Variants in SDK1 observed in about 807,000 individuals in gnomAD.
SDK1 encodes the protein sidekick cell adhesion molecule 1.
Under a neutral mutation model 245.5 loss-of-function variants are expected in SDK1, and 157 were observed. The ratio of observed to expected loss-of-function variants is 0.64; its 90% CI spans 0.56 to 0.73. SDK1 has a LOEUF of 0.73. Ranked by LOEUF, SDK1 falls within the 30% of genes least tolerant of loss-of-function variation. SDK1 has a pLI of 0.00. For synonymous variants in SDK1, 1,647 were observed against 1,278.5 expected (o/e 1.29, Z -6.15); for missense variants, 3,583 against 3,002.3 (o/e 1.19, Z -4.52).
rs1780910807 is a variant in SDK1, at chr7:4,158,500, G to C, written c.4678G>C (p.Gly1560Arg). ...GCGCCTGAAAGCCACCAACGACATT[G>C]GGGACAGTGACTTCAGTTCAGAGAC... ...KLRLKATNDI[G>R]DSDFSSETEA... The change falls in exon 31 of 45, where the codon GGG (glycine) becomes CGG (arginine). Residue 1560 changes from glycine (G) to arginine (R), a missense_variant. Transcript: ENST00000404826. 5 of 1,613,726 alleles carry C rather than the reference G, an allele frequency of 3.1e-6. No individual in the cohort carries two copies. The highest frequency in any genetic ancestry group is 1.3e-5 in the African/African-American group (1 of 74,936).
chr7:3,457,652 T>C (rs1780712623), intron 1 of SDK1, among the ~76,000 whole-genome samples: 1 of 152,204 alleles, frequency 6.6e-6, no homozygotes. Flanking sequence ...CCAAACTTGT[T>C]GACTGGCTTA....
chr7:3,701,328 A>T lies in SDK1; in HGVS notation c.713+59223A>T, dbSNP rs144045710. Among the ~76,000 whole-genome samples the T allele has an allele frequency of 9.3e-4, 141 of 152,368 alleles. 1 individual carries two copies. The highest frequency in any genetic ancestry group is 1.7e-3 in the Non-Finnish European group (116 of 68,038). ...CCAACATGCCGTGTTCAACATGTCC[A>T]TGTCTATAAAAAGTGGACTATGTGT... On this transcript the variant is annotated intron_variant, in intron 4 of 44. Transcript: ENST00000404826.
At chr7:3,435,941 G>C (rs910571070) in intron 1 of SDK1, among the ~76,000 whole-genome samples, 1 of 152,216 alleles carries the variant, frequency 6.6e-6, no homozygotes, top group Admixed American at 6.5e-5. Context: ...GGATGTAGTT[G>C]AAAAAGCAGA....
intron 1 of SDK1, among the ~76,000 whole-genome samples, chr7:3,541,101 T>C (rs1299741220): frequency 6.6e-6 from 1 of 152,226 alleles, no homozygotes; most frequent in Non-Finnish European, 1.5e-5. Flanking sequence ...TTGATCTGTG[T>C]TTCTTGGGTG....
chr7:3,822,720 A>T (rs1409468189), intron 5 of SDK1, among the ~76,000 whole-genome samples: 1 of 151,748 alleles, frequency 6.6e-6, no homozygotes, highest in Non-Finnish European at 1.5e-5. Flanking sequence ...GTGAGCTGAG[A>T]TCATGCCATT....
At chr7:4,132,651 C>G in intron 28 of SDK1, 1 of 434,460 alleles carries the variant, frequency 2.3e-6, no homozygotes, top group Non-Finnish European at 4.3e-6. Context: ...TCGCTTGAGC[C>G]CAGGAGGTTG....
intron 1 of SDK1, among the ~76,000 whole-genome samples, chr7:3,613,881 CA>C (rs1277522134): frequency 2.0e-5 from 3 of 152,116 alleles, no homozygotes; most frequent in Non-Finnish European, 4.4e-5. Flanking sequence ...AACAGAAAAC[CA>C]AATACCACAT....
intron 1 of SDK1, among the ~76,000 whole-genome samples, chr7:3,339,771 G>A (rs68100835): frequency 0.21 from 31,743 of 151,950 alleles, 3,638 homozygotes; most frequent in African/African-American, 0.32. Flanking sequence ...AAATTAAGTT[G>A]AAAAGTGGAA....
intron 4 of SDK1, among the ~76,000 whole-genome samples, chr7:3,672,766 T>TACATATATATATAC (rs1226753258): frequency 1.3e-5 from 1 of 74,294 alleles, no homozygotes; most frequent in African/African-American, 5.7e-5. Flanking sequence ...ATTTTATATA[T>TACATATATATATAC]ATATATATAT....
chr7:3,720,673 A>C (rs1012025713), intron 4 of SDK1, among the ~76,000 whole-genome samples: 3 of 152,202 alleles, frequency 2.0e-5, no homozygotes, highest in African/African-American at 7.2e-5. Context: ...TAGGGAGTTG[A>C]GAATTTCTTC....
At chr7:3,850,538 C>T (rs1461689698) in intron 5 of SDK1, among the ~76,000 whole-genome samples, 1 of 152,094 alleles carries the variant, frequency 6.6e-6, no homozygotes, top group Non-Finnish European at 1.5e-5. Context: ...AATCATGCTG[C>T]TATAAAGACA....
chr7:3,985,140 G>T (rs1215501421), intron 13 of SDK1, among the ~76,000 whole-genome samples: 2 of 151,658 alleles, frequency 1.3e-5, no homozygotes, highest in Non-Finnish European at 2.9e-5. Context: ...ATCCTGGAAG[G>T]ATCTTGGGGC....
intron 7 of SDK1, among the ~76,000 whole-genome samples, chr7:3,954,900 C>T (rs1348372350): frequency 6.6e-6 from 1 of 152,086 alleles, no homozygotes; most frequent in East Asian, 2.0e-4. Context: ...AGTTATGTGA[C>T]ACACATTTTT....
At chr7:3,430,889 C>G (rs781425438) in intron 1 of SDK1, among the ~76,000 whole-genome samples, 6 of 152,060 alleles carry the variant, frequency 3.9e-5, no homozygotes, top group Admixed American at 6.6e-5. Flanking sequence ...GGCTCTCTGT[C>G]TTTTACCTTT....
intron 1 of SDK1, among the ~76,000 whole-genome samples, chr7:3,502,007 C>G (rs892301535): frequency 6.6e-6 from 1 of 152,108 alleles, no homozygotes; most frequent in African/African-American, 2.4e-5. Context: ...TAGTGATAGG[C>G]AAACTTTTAA....
chr7:3,362,103 C>T (rs1200337505), intron 1 of SDK1, among the ~76,000 whole-genome samples: 2 of 152,096 alleles, frequency 1.3e-5, no homozygotes, highest in Non-Finnish European at 2.9e-5. Context: ...GGACCTAGTT[C>T]TTATAATAGC....
At position 3,519,327 on chromosome 7, in the gene SDK1, A is replaced by G. The variant is rs370046388; in HGVS notation, c.299-99753A>G. 6.6e-5 allele frequency among the ~76,000 whole-genome samples: 10 copies of G among 152,112 alleles called. No homozygotes were observed. The East Asian group carries it at 1.2e-3, about 18-fold the overall frequency. On this transcript the variant is annotated intron_variant, in intron 1 of 44. Coordinates refer to ENST00000404826, the MANE Select transcript of SDK1 (RefSeq NM_152744.4). ...AAGTGATAAATGTTTGAGATGATGA[A>G]TTATGCTAATTACCCATTACTATAT...
intron 5 of SDK1, among the ~76,000 whole-genome samples, chr7:3,884,063 T>TG (rs71032908): frequency 0.077 from 8,495 of 109,858 alleles, 280 homozygotes; most frequent in African/African-American, 0.11. Flanking sequence ...TTTGTTTGTT[T>TG]TTTGTTTGTT....
rs546183386 is a variant in SDK1 at position 4,111,122 on chromosome 7, G to A, written c.3434+350G>A. On this transcript the variant is annotated intron_variant, in intron 23 of 44. Transcript: ENST00000404826. ...TCCACAACCTGTTGGGACTATTAACGTGCCGTGTGCAAACAAAGCAGATGT... is the reference window on the plus strand; with the variant it reads ...TCCACAACCTGTTGGGACTATTAACATGCCGTGTGCAAACAAAGCAGATGT... 2.6e-5 allele frequency among the ~76,000 whole-genome samples: 4 copies of A among 152,258 alleles called. No homozygotes were observed. In the East Asian group the frequency reaches 5.8e-4, roughly 22 times the overall value.
Sources: gnomAD v4.1 joint callset for allele counts (sites outside exome capture counted in the v4.1 genomes callset) on GRCh38, gnomAD v4.1.1 for gene constraint, MANE v1.5 for transcripts, NCBI Gene and HGNC (gene_info 2026-07-23, HGNC 2026-07-21) for gene names.